KLF17: variants seen among roughly 807,000 people sequenced by gnomAD.
KLF17 encodes the protein Krueppel-like factor 17.
Under a neutral mutation model 34.2 loss-of-function variants are expected in KLF17, and 31 were observed. That is an observed-to-expected ratio of 0.91 (90% CI 0.68 to 1.22). The LOEUF (loss-of-function observed/expected upper bound fraction) is 1.22, where lower values mean the gene tolerates loss of function less well. KLF17 is among the 50% of genes most tolerant of loss of function. The pLI, the probability that KLF17 is intolerant of heterozygous loss-of-function variation, is 0.00. For missense variants in KLF17, 478 were observed against 505.2 expected, an observed-to-expected ratio of 0.95 and a Z score of 0.52; for synonymous variants, 179 against 186.7, an observed-to-expected ratio of 0.96 and a Z score of 0.34.
At chr1:44,056,056 T>C in the KLF17 span, among the ~76,000 whole-genome samples, 1 of 152,234 alleles carries the variant, frequency 6.6e-6, no homozygotes, top group Non-Finnish European at 1.5e-5. Context: ...AATGGACTGA[T>C]CTAGACTCTC....
At chr1:44,106,314 T>G in the KLF17 span, among the ~76,000 whole-genome samples, 1 of 152,190 alleles carries the variant, frequency 6.6e-6, no homozygotes, top group Non-Finnish European at 1.5e-5. Flanking sequence ...CCCATCTGCA[T>G]GTGGTCTCCA....
rs2485652 is a variant in KLF17 at position 44,129,738 on chromosome 1, A to G, written c.467A>G (p.Asn156Ser). Residue 156 changes from asparagine (N) to serine (S), a missense_variant, in exon 2 of 4, where the codon AAT becomes AGT. By Grantham distance (46) the Asn-to-Ser change is conservative (BLOSUM62 1). Transcript: ENST00000372299. ...GGTGGGAATCTAAGGATGCCCCCCA[A>G]TGGGCTGCCAGTCTCGGCTTCCACT... ...PFGGNLRMPP[N>S]GLPVSASTGI... 570,417 of 1,613,648 alleles carry G rather than the reference A, an allele frequency of 0.35. 103,934 individuals carry two copies. The highest frequency in any genetic ancestry group is 0.46 in the East Asian group (20,634 of 44,860).
chr1:44,122,169 C>G, intron 1 of KLF17: 3 of 1,584,090 alleles, frequency 1.9e-6, no homozygotes, highest in Non-Finnish European at 2.6e-6. Context: ...CCTAGGACCC[C>G]CTCTTCCTCT....
the KLF17 span, chr1:44,103,917 T>G: frequency 1.2e-6 from 1 of 832,052 alleles, no homozygotes; most frequent in South Asian, 1.3e-5. Context: ...CTGCAGCTTC[T>G]CATACTTGAT....
At chr1:44,127,174 G>GCTA (rs891577130) in intron 1 of KLF17, among the ~76,000 whole-genome samples, 3 of 151,714 alleles carry the variant, frequency 2.0e-5, no homozygotes, top group Non-Finnish European at 4.4e-5. Flanking sequence ...CTCCCAAAGA[G>GCTA]CTAGGATCAT....
the KLF17 span, among the ~76,000 whole-genome samples, chr1:44,074,372 T>C: frequency 1.1e-4 from 17 of 152,260 alleles, no homozygotes; most frequent in African/African-American, 4.1e-4. Context: ...ATGCCACCAT[T>C]GTGGCTAGCC....
chr1:44,102,551 CACACACATACACAT>C, the KLF17 span, among the ~76,000 whole-genome samples: 1 of 91,414 alleles, frequency 1.1e-5, no homozygotes, highest in Non-Finnish European at 2.3e-5. Flanking sequence ...AAAACTCCAT[CACACACATACACAT>C]ACACACACAC....
chr1:44,058,985 C>A, the KLF17 span, among the ~76,000 whole-genome samples: 1 of 152,098 alleles, frequency 6.6e-6, no homozygotes, highest in African/African-American at 2.4e-5. Flanking sequence ...AAAGAAGAAT[C>A]CGCCAATGAT....
At chr1:44,075,340 G>A in the KLF17 span, among the ~76,000 whole-genome samples, 1 of 152,136 alleles carries the variant, frequency 6.6e-6, no homozygotes, top group African/African-American at 2.4e-5. Context: ...TATTTACTAA[G>A]GAGGGCACAC....
the KLF17 span, among the ~76,000 whole-genome samples, chr1:44,078,963 G>A: frequency 5.9e-5 from 9 of 152,288 alleles, no homozygotes; most frequent in African/African-American, 2.2e-4. Flanking sequence ...GGGATTACAG[G>A]CATGAGACAC....
chr1:44,097,205 TCTGTTTTGGTACCAGTACCATG>T, the KLF17 span, among the ~76,000 whole-genome samples: 1,477 of 151,616 alleles, frequency 9.7e-3, 12 homozygotes, highest in Non-Finnish European at 0.015. Context: ...CCAGTACCAT[TCTGTTTTGGTACCAGTACCATG>T]CTGTTTTGGT....
At position 44,134,454 on chromosome 1, in the gene KLF17, G is replaced by C. The variant is rs1432287920; in HGVS notation, c.*1217G>C. ...TGACGGGAGAATCGCTTGAACCCAG[G>C]AGGCGGAGGTTGCAGTGAGCTCAGA... On this transcript the variant is annotated 3_prime_UTR_variant, in exon 4 of 4. Coordinates refer to ENST00000372299, the MANE Select transcript of KLF17 (RefSeq NM_173484.4). The C allele has an allele frequency of 3.3e-5, 5 of 152,342 alleles. No homozygotes were observed. The highest frequency in any genetic ancestry group is 1.2e-4 in the African/African-American group (5 of 41,438). 9.4% of individuals were successfully genotyped at this position (152,342 alleles called of 1,614,324 possible).
the KLF17 span, among the ~76,000 whole-genome samples, chr1:44,094,826 T>C: frequency 6.6e-6 from 1 of 152,154 alleles, no homozygotes; most frequent in Admixed American, 6.5e-5. Context: ...TACTGTTCTA[T>C]GTCTTTTGTG....
At chr1:44,064,378 A>T in the KLF17 span, among the ~76,000 whole-genome samples, 1 of 152,228 alleles carries the variant, frequency 6.6e-6, no homozygotes, top group African/African-American at 2.4e-5. Flanking sequence ...GTCGGTTATC[A>T]TTCTAGACAC....
the KLF17 span, among the ~76,000 whole-genome samples, chr1:44,107,864 G>A: frequency 2.6e-5 from 4 of 152,034 alleles, no homozygotes; most frequent in African/African-American, 4.8e-5. Flanking sequence ...AGGTATGTAC[G>A]TATAGGAAAA....
At chr1:44,091,958 C>T in the KLF17 span, among the ~76,000 whole-genome samples, 1 of 117,326 alleles carries the variant, frequency 8.5e-6, no homozygotes, top group Non-Finnish European at 1.7e-5. Context: ...ACAACACACA[C>T]ACACTCTCTC....
chr1:44,092,971 C>A, the KLF17 span, among the ~76,000 whole-genome samples: 2 of 152,132 alleles, frequency 1.3e-5, no homozygotes, highest in Non-Finnish European at 2.9e-5. Context: ...TAAGAGTTCA[C>A]TGAACTCAGG....
the KLF17 span, among the ~76,000 whole-genome samples, chr1:44,113,411 T>C: frequency 5.3e-5 from 8 of 152,206 alleles, no homozygotes; most frequent in African/African-American, 1.9e-4. Flanking sequence ...ACATCATCAG[T>C]AACTACAGTT....
At chr1:44,071,123 C>A in the KLF17 span, among the ~76,000 whole-genome samples, 83 of 152,240 alleles carry the variant, frequency 5.5e-4, no homozygotes, top group African/African-American at 1.9e-3. Context: ...TGTGATAAAT[C>A]CAATGGGCGT....
Sources: allele counts gnomAD v4.1 joint callset (sites outside exome capture counted in the v4.1 genomes callset), GRCh38; gene constraint gnomAD v4.1.1; transcripts MANE v1.5; gene names NCBI Gene and HGNC (gene_info 2026-07-23, HGNC 2026-07-21).